Variants in MTUS2 observed in about 807,000 individuals in gnomAD.
MTUS2 encodes the protein microtubule associated scaffold protein 2, also known as microtubule-associated tumor suppressor candidate 2.
MTUS2 carries 40 observed loss-of-function variants against 114.1 expected under a neutral mutation model. The ratio of observed to expected loss-of-function variants is 0.35; its 90% CI spans 0.27 to 0.46. The LOEUF is 0.46. Among genes scored for constraint, MTUS2 ranks in the 20% least tolerant of loss-of-function variants. The pLI is 1.00. For synonymous variants in MTUS2, 688 were observed against 672.0 expected (o/e 1.02, Z -0.37); for missense variants, 1,679 against 1,705.4 (o/e 0.98, Z 0.27).
At chr13:29,171,141 AGTGTGTGTGT>A (rs34538842) in intron 5 of MTUS2, among the ~76,000 whole-genome samples, 4 of 150,194 alleles carry the variant, frequency 2.7e-5, no homozygotes, top group African/African-American at 7.4e-5. Flanking sequence ...AGAGAGAGAG[AGTGTGTGTGT>A]GTGTGTGTAT....
intron 6 of MTUS2, among the ~76,000 whole-genome samples, chr13:29,291,218 C>T (rs763883355): frequency 6.6e-6 from 1 of 152,136 alleles, no homozygotes; most frequent in Non-Finnish European, 1.5e-5. Flanking sequence ...GCGCACCTCT[C>T]TCCTAGTTTC....
chr13:29,077,282 G>A (rs1374058764), intron 4 of MTUS2, among the ~76,000 whole-genome samples: 1 of 152,028 alleles, frequency 6.6e-6, no homozygotes, highest in East Asian at 1.9e-4. Flanking sequence ...TTCCAAGCAA[G>A]GTGAGAGAGG....
chr13:29,157,820 GTAGATA>G (rs1332176828), intron 5 of MTUS2, among the ~76,000 whole-genome samples: 1,370 of 115,484 alleles, frequency 0.012, 15 homozygotes, highest in African/African-American at 0.03. Flanking sequence ...AGATATAGAT[GTAGATA>G]TAGATATAGA....
chr13:29,478,573 T>C (rs375729933), intron 9 of MTUS2, among the ~76,000 whole-genome samples: 1 of 152,210 alleles, frequency 6.6e-6, no homozygotes, highest in Non-Finnish European at 1.5e-5. Flanking sequence ...GGAGTCTTTT[T>C]CCATCAATAT....
chr13:29,218,121 C>T (rs117287128), intron 5 of MTUS2, among the ~76,000 whole-genome samples: 346 of 151,536 alleles, frequency 2.3e-3, no homozygotes, highest in South Asian at 0.022. Flanking sequence ...TGTCCCTCCC[C>T]GCCAAAACCA....
At chr13:29,139,957 A>C (rs572674155) in intron 5 of MTUS2, among the ~76,000 whole-genome samples, 1 of 152,176 alleles carries the variant, frequency 6.6e-6, no homozygotes, top group Non-Finnish European at 1.5e-5. Flanking sequence ...CCTGCCCTGT[A>C]GTCAGCAACG....
At chr13:29,102,749 A>G (rs1890474521) in intron 5 of MTUS2, among the ~76,000 whole-genome samples, 1 of 152,214 alleles carries the variant, frequency 6.6e-6, no homozygotes, top group African/African-American at 2.4e-5. Context: ...TCTAAGTACT[A>G]CTAATCATTA....
At chr13:29,394,077 C>T (rs576605981) in intron 8 of MTUS2, among the ~76,000 whole-genome samples, 1 of 152,146 alleles carries the variant, frequency 6.6e-6, no homozygotes, top group South Asian at 2.1e-4. Context: ...TTTCACAGCT[C>T]CTATATGATT....
At chr13:29,368,217 C>T (rs9508419) in intron 8 of MTUS2, among the ~76,000 whole-genome samples, 98,062 of 150,856 alleles carry the variant, frequency 0.65, 32,050 homozygotes, top group East Asian at 0.75. Flanking sequence ...GTATTATGGG[C>T]GTGAGCCACT....
At chr13:28,947,283 TTAG>T (rs3062631) in intron 2 of MTUS2, among the ~76,000 whole-genome samples, 1,527 of 152,272 alleles carry the variant, frequency 0.01, 19 homozygotes, top group African/African-American at 0.035. Flanking sequence ...GGTCTGGTGC[TTAG>T]TAGGTGCTTT....
chr13:28,862,092 A>AT (rs1877022806), intron 2 of MTUS2, among the ~76,000 whole-genome samples: 1 of 152,168 alleles, frequency 6.6e-6, no homozygotes, highest in Non-Finnish European at 1.5e-5. Flanking sequence ...TTGTCTATAG[A>AT]TACCCCCTTG....
rs192833679 is a variant in MTUS2 at position 29,279,230 on chromosome 13, A to G, written c.2645-2474A>G. ...GTAGAGGAGGTGGTATTCAAACCCT[A>G]GCCATCTTGCTCCCAGATCTGCACC... On this transcript the variant is annotated intron_variant, in intron 5 of 15. Coordinates refer to ENST00000612955, the MANE Select transcript of MTUS2 (RefSeq NM_001033602.4). Among the ~76,000 whole-genome samples, 28 of 152,296 alleles carry G rather than the reference A, an allele frequency of 1.8e-4. No homozygotes were observed. In the East Asian group the frequency reaches 5.2e-3, roughly 28 times the overall value.
intron 1 of MTUS2, among the ~76,000 whole-genome samples, chr13:28,822,862 A>G (rs191967392): frequency 6.6e-6 from 1 of 152,348 alleles, no homozygotes; most frequent in Admixed American, 6.5e-5. Context: ...AAAAGATGAA[A>G]AAAATCTGTA....
intron 5 of MTUS2, among the ~76,000 whole-genome samples, chr13:29,130,859 C>T (rs1891732315): frequency 1.3e-5 from 2 of 152,062 alleles, no homozygotes; most frequent in South Asian, 2.1e-4. Flanking sequence ...CTTTTGACCG[C>T]GTGATCCGCC....
intron 9 of MTUS2, among the ~76,000 whole-genome samples, chr13:29,443,489 C>G (rs1241319974): frequency 6.6e-6 from 1 of 152,198 alleles, no homozygotes; most frequent in Non-Finnish European, 1.5e-5. Context: ...AAGAATAGAA[C>G]CAGAATTACC....
chr13:29,264,842 G>A (rs972618886), intron 5 of MTUS2, among the ~76,000 whole-genome samples: 3 of 152,226 alleles, frequency 2.0e-5, no homozygotes, highest in Non-Finnish European at 4.4e-5. Context: ...CTCTGGGCCT[G>A]TGATGGGAGG....
At chr13:29,333,984 G>A (rs1900926204) in intron 7 of MTUS2, among the ~76,000 whole-genome samples, 1 of 152,136 alleles carries the variant, frequency 6.6e-6, no homozygotes, top group Non-Finnish European at 1.5e-5. Context: ...TTTAAAGTCT[G>A]TTTTATCAGA....
At chr13:28,951,526 C>T (rs1402132827) in intron 2 of MTUS2, among the ~76,000 whole-genome samples, 1 of 152,144 alleles carries the variant, frequency 6.6e-6, no homozygotes, top group Non-Finnish European at 1.5e-5. Context: ...AGGCTGGGTG[C>T]AGTGGCTCAC....
intron 2 of MTUS2, among the ~76,000 whole-genome samples, chr13:28,981,357 C>T (rs1884352136): frequency 6.6e-6 from 1 of 152,118 alleles, no homozygotes; most frequent in Non-Finnish European, 1.5e-5. Context: ...AAAGGTAAAA[C>T]TATAGAAACA....
Sources: gnomAD v4.1 joint callset for allele counts (sites outside exome capture counted in the v4.1 genomes callset) on GRCh38, gnomAD v4.1.1 for gene constraint, MANE v1.5 for transcripts, NCBI Gene and HGNC (gene_info 2026-07-23, HGNC 2026-07-21) for gene names.